PLA1A: variants seen among roughly 807,000 people sequenced by gnomAD.
PLA1A encodes phosphatidylserine-specific phospholipase A1alpha.
A neutral mutation model predicts 49.4 loss-of-function variants in PLA1A; 47 were observed. The ratio of observed to expected loss-of-function variants is 0.95; its 90% CI spans 0.75 to 1.21. PLA1A has a LOEUF of 1.21. Among genes scored for constraint, PLA1A ranks in the 50% most tolerant of loss-of-function variants. PLA1A has a pLI of 0.00. For synonymous variants in PLA1A, 224 were observed against 207.9 expected (o/e 1.08, Z -0.67); for missense variants, 561 against 563.9 (o/e 0.99, Z 0.05).
chr3:119,599,318 G>C (rs1364267768), intron 1 of PLA1A, among the ~76,000 whole-genome samples: 1 of 152,144 alleles, frequency 6.6e-6, no homozygotes, highest in Non-Finnish European at 1.5e-5. Context: ...TTGTTGTCTA[G>C]GCTGATGGAA....
In PLA1A at chr3:119,613,044, C is replaced by G. The variant is rs199916771; in HGVS notation, c.590C>G (p.Thr197Ser). 10 of 1,604,990 alleles carry G rather than the reference C, an allele frequency of 6.2e-6. No homozygotes were observed. The African/African-American group carries it at 1.2e-4, about 19-fold the overall frequency. ...CTGGACCCCGCTGGACCTGAGTACA[C>G]CAGGGCCAGTGTGGAAGAGCGCTTG... ...TGLDPAGPEY[T>S]RASVEERLDA... The change falls in exon 5 of 11, where the codon ACC becomes AGC. Residue 197 changes from threonine (T) to serine (S), a missense_variant. By Grantham distance (58) the Thr-to-Ser change is moderately conservative. Transcript: ENST00000273371.
chr3:119,619,517 A>C, intron 7 of PLA1A, 46 bp from the exon 8 acceptor site: 2 of 1,358,848 alleles, frequency 1.5e-6, no homozygotes, highest in Non-Finnish European at 2.1e-6. Flanking sequence ...TGGGACCCTA[A>C]GATAGCCTTC....
At chr3:119,611,496 C>A (rs1419394628) in intron 4 of PLA1A, among the ~76,000 whole-genome samples, 1 of 152,068 alleles carries the variant, frequency 6.6e-6, no homozygotes, top group East Asian at 1.9e-4. Context: ...GCATAGAATA[C>A]CTTTCCATTT....
intron 6 of PLA1A, among the ~76,000 whole-genome samples, chr3:119,617,331 G>T (rs1233348769): frequency 1.3e-5 from 2 of 152,146 alleles, no homozygotes; most frequent in East Asian, 3.8e-4. Flanking sequence ...AAAATTGGTT[G>T]TATGGCTGAT....
intron 8 of PLA1A, among the ~76,000 whole-genome samples, chr3:119,621,660 C>T (rs149949809): frequency 1.3e-5 from 2 of 152,362 alleles, no homozygotes; most frequent in Non-Finnish European, 2.9e-5. Context: ...TCCATTACTT[C>T]ACTCCATCCT....
At chr3:119,602,392 G>A (rs1560075962) in intron 1 of PLA1A, among the ~76,000 whole-genome samples, 1 of 152,040 alleles carries the variant, frequency 6.6e-6, no homozygotes, top group Non-Finnish European at 1.5e-5. Context: ...CGTTTTTCTA[G>A]GAAATGATCC....
intron 1 of PLA1A, among the ~76,000 whole-genome samples, chr3:119,603,077 G>A (rs1206789267): frequency 6.6e-6 from 1 of 152,200 alleles, no homozygotes; most frequent in East Asian, 1.9e-4. Flanking sequence ...GATTAGCTCA[G>A]TTAGGGCCTT....
intron 8 of PLA1A, among the ~76,000 whole-genome samples, chr3:119,621,844 T>A (rs962249331): frequency 9.2e-5 from 14 of 152,174 alleles, no homozygotes; most frequent in African/African-American, 3.4e-4. Flanking sequence ...ACATGAGACA[T>A]GTTCCTGTGC....
At chr3:119,607,014 A>G in intron 2 of PLA1A, 39 bp downstream of exon 2, 1 of 1,491,350 alleles carries the variant, frequency 6.7e-7, no homozygotes, top group Non-Finnish European at 9.4e-7. Flanking sequence ...TCAACTAAGA[A>G]TGATCAAGTA....
At chr3:119,612,974 A>C (rs1484480618) in intron 4 of PLA1A, 43 bp from the exon 5 acceptor site, 2 of 1,271,394 alleles carry the variant, frequency 1.6e-6, no homozygotes, top group Admixed American at 4.1e-5. Flanking sequence ...ATGTTCCTGC[A>C]GCTGAGAGGA....
rs753489795 is a variant in PLA1A, at chr3:119,618,186, G to A, written c.922G>A (p.Gly308Arg). The A allele has an allele frequency of 2.5e-6, 4 of 1,611,422 alleles. No homozygotes were observed. The African/African-American group carries it at 5.3e-5, about 22-fold the overall frequency. Residue 308 changes from glycine to arginine, a missense_variant and splice_region_variant, in exon 7 of 11, where the codon GGA becomes AGA. Gly to Arg is a moderately radical substitution (Grantham distance 125). Coordinates refer to ENST00000273371, the MANE Select transcript of PLA1A (RefSeq NM_015900.4). ...TTTTCTGCTTTCCTGCCCAAGGATAGGTAAAGTGCTACCCCTTTGACTTCC... is the reference window on the plus strand; with the variant it reads ...TTTTCTGCTTTCCTGCCCAAGGATAAGTAAAGTGCTACCCCTTTGACTTCC... ...NPFLLSCPRIGLVEQGGVKIE... is the reference protein window; with the variant it reads ...NPFLLSCPRIRLVEQGGVKIE...
At chr3:119,616,648 T>C (rs1365404868) in intron 6 of PLA1A, among the ~76,000 whole-genome samples, 1 of 152,256 alleles carries the variant, frequency 6.6e-6, no homozygotes, top group Admixed American at 6.5e-5. Context: ...TTTAAAATGC[T>C]GATTTCTGTT....
intron 1 of PLA1A, chr3:119,600,343 C>T (rs1438736249): frequency 1.4e-6 from 1 of 702,596 alleles, no homozygotes; most frequent in African/African-American, 1.7e-5. Context: ...GGCCCTTGAG[C>T]TTCCAGGCTG....
chr3:119,626,192 G>A (rs933714483), intron 9 of PLA1A, among the ~76,000 whole-genome samples: 2 of 152,226 alleles, frequency 1.3e-5, no homozygotes, highest in Non-Finnish European at 1.5e-5. Context: ...CTGCTTGGCA[G>A]GAGCTGAACC....
At chr3:119,617,377 T>C (rs2082862477) in intron 6 of PLA1A, among the ~76,000 whole-genome samples, 1 of 152,110 alleles carries the variant, frequency 6.6e-6, no homozygotes, top group Non-Finnish European at 1.5e-5. Flanking sequence ...AATACCCATT[T>C]TGAGAAATGG....
chr3:119,614,721 G>C (rs769107295), intron 5 of PLA1A, among the ~76,000 whole-genome samples: 1 of 151,340 alleles, frequency 6.6e-6, no homozygotes, highest in African/African-American at 2.4e-5. Context: ...TTCAAAGTTG[G>C]AGCCTCTCCC....
intron 1 of PLA1A, among the ~76,000 whole-genome samples, chr3:119,605,087 G>A (rs2082667831): frequency 6.6e-6 from 1 of 152,204 alleles, no homozygotes; most frequent in African/African-American, 2.4e-5. Flanking sequence ...ATCTCATGCT[G>A]AAACACAGTC....
At chr3:119,619,455 T>C (rs2107794463) in intron 7 of PLA1A, 108 bp from the exon 8 acceptor site, 1 of 775,294 alleles carries the variant, frequency 1.3e-6, no homozygotes, top group Non-Finnish European at 2.3e-6. Context: ...ATGGTGTAGA[T>C]GTCCGTGGAA....
intron 8 of PLA1A, 65 bp downstream of exon 8, chr3:119,619,717 G>A: frequency 1.8e-6 from 2 of 1,102,994 alleles, no homozygotes; most frequent in Non-Finnish European, 2.8e-6. Flanking sequence ...CCAGCCCAGT[G>A]TGGTAGCCTG....
Sources: gnomAD v4.1 joint callset for allele counts (sites outside exome capture counted in the v4.1 genomes callset) on GRCh38, gnomAD v4.1.1 for gene constraint, MANE v1.5 for transcripts, NCBI Gene and HGNC (gene_info 2026-07-23, HGNC 2026-07-21) for gene names.